Variants in AHR observed in about 807,000 individuals in gnomAD.
AHR encodes aryl hydrocarbon receptor, also known as AH-receptor.
Under a neutral mutation model 86.8 loss-of-function variants are expected in AHR, and 40 were observed. The ratio of observed to expected loss-of-function variants is 0.46; its 90% confidence interval spans 0.36 to 0.60. The LOEUF (loss-of-function observed/expected upper bound fraction) is 0.60. AHR is among the 20% of genes least tolerant of loss of function. The pLI, the probability that AHR is intolerant of heterozygous loss-of-function variation, is 0.00. For synonymous variants in AHR, 398 were observed against 354.9 expected (o/e 1.12, Z -1.37); for missense variants, 1,001 against 1,011.6 (o/e 0.99, Z 0.14).
Position 17,334,934 on chromosome 7 carries a change from G to A in AHR, c.956G>A (p.Gly319Asp). 6.2e-7 allele frequency: 1 copy of A among 1,613,294 alleles called. No homozygotes were observed. The highest frequency in any genetic ancestry group is 8.5e-7 in the Non-Finnish European group (1 of 1,179,452). Residue 319 changes from glycine to aspartate, a missense_variant, in exon 8 of 11, where the codon GGC becomes GAC. Gly to Asp is a moderately conservative substitution (Grantham distance 94). Transcript: ENST00000242057. The part of the protein sequence containing the change: ...GYTEAELCTR[G>D]SGYQFIHAAD... ...ACTGAAGCAGAGCTGTGCACGAGAG[G>A]CTCAGGTTATCAGTTTATTCATGCA...
At chr7:17,341,390 T>C (rs1046980932) in intron 10 of AHR, among the ~76,000 whole-genome samples, 3 of 152,180 alleles carry the variant, frequency 2.0e-5, no homozygotes, top group Non-Finnish European at 4.4e-5. Context: ...GTAAAGCAAA[T>C]TGTACAGAAG....
intron 2 of AHR, among the ~76,000 whole-genome samples, chr7:17,320,765 A>G (rs1424520214): frequency 2.0e-5 from 3 of 152,120 alleles, no homozygotes; most frequent in Non-Finnish European, 4.4e-5. Flanking sequence ...CAGATTAAAC[A>G]TTTCCTTTGG....
chr7:17,305,145 C>A (rs1057255141), intron 1 of AHR, among the ~76,000 whole-genome samples: 3 of 152,114 alleles, frequency 2.0e-5, no homozygotes, highest in African/African-American at 7.2e-5. Flanking sequence ...CAGAAGACTT[C>A]TGACTCATTA....
At chr7:17,329,686 G>C (rs1030543428) in intron 4 of AHR, among the ~76,000 whole-genome samples, 1 of 151,914 alleles carries the variant, frequency 6.6e-6, no homozygotes, top group Non-Finnish European at 1.5e-5. Flanking sequence ...TTGCATTTAA[G>C]GAATGGGGAT....
chr7:17,341,248 A>G (rs147217201), intron 10 of AHR, among the ~76,000 whole-genome samples: 170 of 152,242 alleles, frequency 1.1e-3, no homozygotes, highest in Middle Eastern at 6.8e-3. Flanking sequence ...CTAATCGTAT[A>G]TGAGCTTTTT....
chr7:17,320,112 G>A (rs1409649481), intron 2 of AHR, among the ~76,000 whole-genome samples: 1 of 151,966 alleles, frequency 6.6e-6, no homozygotes, highest in African/African-American at 2.4e-5. Context: ...TATAAGCATT[G>A]TTGTTTAGAA....
intron 10 of AHR, among the ~76,000 whole-genome samples, chr7:17,340,583 A>G (rs964683086): frequency 3.3e-5 from 5 of 152,216 alleles, no homozygotes; most frequent in Non-Finnish European, 5.9e-5. Flanking sequence ...TTTAAAAATT[A>G]TATGGCTATT....
At position 17,328,579 on chromosome 7, in the gene AHR, T is replaced by C. The variant is rs549359004; in HGVS notation, c.450+731T>C. On this transcript the variant is annotated intron_variant, in intron 4 of 10. Transcript: ENST00000242057. ...AATCACCTGAAGACCTTGATAAAAC[T>C]TGGTCATCCCTGTGAGCCCCATTGT... Among the ~76,000 whole-genome samples the C allele has an allele frequency of 1.1e-4, 17 of 152,074 alleles. No individual in the cohort carries two copies. The East Asian group carries it at 3.3e-3, about 29-fold the overall frequency.
At chr7:17,337,014 C>T (rs1477108941) in intron 9 of AHR, among the ~76,000 whole-genome samples, 1 of 152,002 alleles carries the variant, frequency 6.6e-6, no homozygotes, top group Non-Finnish European at 1.5e-5. Flanking sequence ...CCTTTAAGTA[C>T]AGCATTACAA....
rs761271912 is a variant in AHR at position 17,339,240 on chromosome 7, C to T, written c.1415C>T (p.Ala472Val). The T allele has an allele frequency of 6.2e-7, 1 of 1,614,042 alleles. No individual in the cohort carries two copies. The highest frequency in any genetic ancestry group is 1.3e-5 in the African/African-American group (1 of 74,924). Residue 472 changes from alanine to valine, a missense_variant, in exon 10 of 11, where the codon GCT becomes GTT. Transcript: ENST00000242057. ...QQDESIYLYP[A>V]SSTSSTAPFE... The stretch of plus-strand genomic sequence containing the variant: ...GATGAGTCTATTTATCTCTATCCTG[C>T]TTCAAGTACTTCAAGTACTGCACCT...
chr7:17,339,918 A>T lies in AHR; in HGVS notation c.2093A>T (p.Gln698Leu). ...KSEMDSMPYT[Q>L]NFISCNQPVL... ...GAAATGGATTCTATGCCTTATACAC[A>T]GAACTTTATTTCCTGTAATCAGCCT... The change falls in exon 10 of 11, where the codon CAG (glutamine) becomes CTG (leucine). Residue 698 changes from glutamine to leucine, a missense_variant. Transcript: ENST00000242057. The T allele has an allele frequency of 6.2e-7, 1 of 1,614,232 alleles. No individual in the cohort carries two copies. Among genetic ancestry groups the T allele is most frequent in the Non-Finnish European group, 8.5e-7 (1 of 1,180,044 alleles).
At position 17,326,850 on chromosome 7, in the gene AHR, A is replaced by G. The variant is rs560652638; in HGVS notation, c.361-909A>G. On this transcript the variant is annotated intron_variant, in intron 3 of 10. Transcript: ENST00000242057. ...AGGGTGTTAGAAGACATTAGCTGTGATCACATAGTAAAGAATAGATCAAGT... is the reference window on the plus strand; with the variant it reads ...AGGGTGTTAGAAGACATTAGCTGTGGTCACATAGTAAAGAATAGATCAAGT... Among the ~76,000 whole-genome samples the G allele has an allele frequency of 3.9e-4, 60 of 152,288 alleles. No homozygotes were observed. The Middle Eastern group carries it at 0.014, about 35-fold the overall frequency.
chr7:17,312,847 A>G (rs1013062141), intron 2 of AHR, among the ~76,000 whole-genome samples: 2 of 152,214 alleles, frequency 1.3e-5, no homozygotes, highest in Admixed American at 1.3e-4. Context: ...ATTTGGAGGC[A>G]TGCCCCTGCT....
intron 9 of AHR, among the ~76,000 whole-genome samples, chr7:17,336,300 G>T (rs1782354242): frequency 6.6e-6 from 1 of 152,026 alleles, no homozygotes; most frequent in East Asian, 1.9e-4. Context: ...GATTTACCGA[G>T]AAGGTCATTG....
intron 3 of AHR, among the ~76,000 whole-genome samples, chr7:17,325,015 A>T (rs1481527780): frequency 2.0e-5 from 3 of 152,160 alleles, no homozygotes; most frequent in African/African-American, 7.2e-5. Context: ...AGGAGTTGAA[A>T]TTTTATATAA....
chr7:17,327,380 T>A (rs1782240487), intron 3 of AHR, among the ~76,000 whole-genome samples: 1 of 151,958 alleles, frequency 6.6e-6, no homozygotes, highest in Non-Finnish European at 1.5e-5. Flanking sequence ...AGTTTAAGAA[T>A]CTAATCAACA....
In AHR at chr7:17,330,742, C is replaced by CTTTA. The variant is rs754485185; in HGVS notation, c.575-10_575-7dup. Reference sequence around the variant, plus strand: ...AAATGGAAAGTAAATTTTGTTTTGCCTTTATTTCTACAGAAGCCACTGGTC... The same window carrying CTTTA: ...AAATGGAAAGTAAATTTTGTTTTGCCTTTATTTATTTCTACAGAAGCCACTGGTC... On this transcript the variant is annotated splice_polypyrimidine_tract_variant and intron_variant, in intron 5 of 10. Transcript: ENST00000242057. 1 of 1,534,442 alleles carries CTTTA rather than the reference C, an allele frequency of 6.5e-7. No individual in the cohort carries two copies. Among genetic ancestry groups the CTTTA allele is most frequent in the South Asian group, 1.3e-5 (1 of 77,104 alleles).
intron 2 of AHR, among the ~76,000 whole-genome samples, chr7:17,317,571 G>A (rs1212186326): frequency 6.6e-6 from 1 of 152,104 alleles, no homozygotes; most frequent in African/African-American, 2.4e-5. Context: ...CAGAACATAC[G>A]TGAGTTATTT....
intron 4 of AHR, among the ~76,000 whole-genome samples, chr7:17,329,273 A>T (rs974898502): frequency 1.3e-5 from 2 of 151,942 alleles, no homozygotes; most frequent in Non-Finnish European, 2.9e-5. Flanking sequence ...GTGTTATCTC[A>T]TGTAATAATG....
Sources: gnomAD v4.1 joint callset for allele counts (sites outside exome capture counted in the v4.1 genomes callset) on GRCh38, gnomAD v4.1.1 for gene constraint, MANE v1.5 for transcripts, NCBI Gene and HGNC (gene_info 2026-07-23, HGNC 2026-07-21) for gene names.